The following FUBP1 variants were observed in gnomAD, a reference collection of about 807,000 sequenced individuals.
FUBP1 encodes the protein far upstream element-binding protein 1.
FUBP1 carries 16 observed loss-of-function variants against 94.9 expected under a neutral mutation model. The observed-to-expected ratio is 0.17, with a 90% CI of 0.11 to 0.26. The LOEUF is 0.26. Ranked by LOEUF, FUBP1 falls within the 10% of genes least tolerant of loss-of-function variation. The probability of loss-of-function intolerance (pLI) is 1.00; values close to 1 mark genes in which losing one functional copy is unlikely to be tolerated. For synonymous variants in FUBP1, 279 were observed against 254.9 expected, an observed-to-expected ratio of 1.09 and a Z score of -0.90; for missense variants, 583 against 808.6, an observed-to-expected ratio of 0.72 and a Z score of 3.38.
chr1:77,960,391 T>G lies in FUBP1; in HGVS notation c.1449A>C (p.Pro483=). 1 of 1,597,916 alleles carries G rather than the reference T, an allele frequency of 6.3e-7. No homozygotes were observed. The highest frequency in any genetic ancestry group is 1.4e-5 in the African/African-American group (1 of 73,804). ...CAGGATTATAAGGTGCAGGGTTGTATGGTCCCATTGGAGTTCCAGGCCCTG... is the reference window on the plus strand; with the variant it reads ...CAGGATTATAAGGTGCAGGGTTGTAGGGTCCCATTGGAGTTCCAGGCCCTG... The part of the protein sequence containing the change: ...GPPGPGTPMG[P]YNPAPYNPGP... The change falls in exon 15 of 20, where the codon CCA becomes CCC. Residue 483 remains proline (P), a synonymous_variant. Coordinates refer to ENST00000370768, the MANE Select transcript of FUBP1 (RefSeq NM_003902.5).
In FUBP1 at chr1:77,960,268, A is replaced by G. The variant is rs909655578; in HGVS notation, c.1497-5T>C. 6.2e-6 allele frequency: 10 copies of G among 1,613,078 alleles called. No homozygotes were observed. The highest frequency in any genetic ancestry group is 8.5e-6 in the Non-Finnish European group (10 of 1,179,604). On this transcript the variant is annotated splice_polypyrimidine_tract_variant and splice_region_variant and intron_variant, in intron 15 of 19. Coordinates refer to ENST00000370768, the MANE Select transcript of FUBP1 (RefSeq NM_003902.5). ...GCATATGGGGCTGGAGGACCACTGA[A>G]AAGAAAAATCAGCATAAAAAACAGT...
chr1:77,952,750 G>A (rs1276949274), intron 18 of FUBP1, among the ~76,000 whole-genome samples: 1 of 152,174 alleles, frequency 6.6e-6, no homozygotes, highest in South Asian at 2.1e-4. Flanking sequence ...TTTACAAAAA[G>A]AACTTTTATA....
rs1320541205 is a variant in FUBP1 at position 77,951,944 on chromosome 1, C to T, written c.1781-2644G>A. Among the ~76,000 whole-genome samples the T allele has an allele frequency of 1.3e-5, 2 of 152,110 alleles. 1 individual carries two copies. On this transcript the variant is annotated intron_variant, in intron 18 of 19. Transcript: ENST00000370768. ...CCACATCAGTCCTTATCATAATGGC[C>T]TTCCTCAAGTCAAACTTTTCCCAAA...
rs1365034170 is a variant in FUBP1, at chr1:77,960,428, G to A, written c.1412C>T (p.Pro471Leu). The change falls in exon 15 of 20, where the codon CCT becomes CTT. Residue 471 changes from proline (P) to leucine (L), a missense_variant. Coordinates refer to ENST00000370768, the MANE Select transcript of FUBP1 (RefSeq NM_003902.5). Reference sequence around the variant, plus strand: ...AGTTCCAGGCCCTGGAGGCCCAGGAGGTCCATGGGGGCCTGGGACACCATG... The same window carrying A: ...AGTTCCAGGCCCTGGAGGCCCAGGAAGTCCATGGGGGCCTGGGACACCATG... ...GPHGVPGPHG[P>L]PGPPGPGTPM... The A allele has an allele frequency of 2.5e-6, 4 of 1,592,674 alleles. No individual in the cohort carries two copies. Among genetic ancestry groups the A allele is most frequent in the Non-Finnish European group, 2.6e-6 (3 of 1,174,384 alleles).
intron 18 of FUBP1, among the ~76,000 whole-genome samples, chr1:77,954,905 C>T (rs1654165093): frequency 6.6e-6 from 1 of 152,274 alleles, no homozygotes; most frequent in Non-Finnish European, 1.5e-5. Flanking sequence ...ACCTGCTTAT[C>T]TTGCAGCAAA....
At chr1:77,958,945 T>A (rs1264448050) in intron 16 of FUBP1, among the ~76,000 whole-genome samples, 1 of 152,220 alleles carries the variant, frequency 6.6e-6, no homozygotes, top group Non-Finnish European at 1.5e-5. Flanking sequence ...GCCCCTTCCA[T>A]CAGTGTTGCT....
intron 1 of FUBP1, among the ~76,000 whole-genome samples, chr1:77,977,705 T>C (rs1444756615): frequency 6.6e-6 from 1 of 152,248 alleles, no homozygotes; most frequent in African/African-American, 2.4e-5. Flanking sequence ...TGCTTGTTGC[T>C]AAACATGTTC....
chr1:77,967,840 G>A (rs1228688904), intron 3 of FUBP1, among the ~76,000 whole-genome samples, 174 bp from the exon 4 acceptor site: 2 of 152,076 alleles, frequency 1.3e-5, no homozygotes, highest in Non-Finnish European at 2.9e-5. Flanking sequence ...AGGGGCAAGA[G>A]AGCCAATGAA....
intron 14 of FUBP1, among the ~76,000 whole-genome samples, chr1:77,961,972 G>C (rs1480690544): frequency 6.6e-6 from 1 of 152,126 alleles, no homozygotes; most frequent in African/African-American, 2.4e-5. Context: ...GACAGAAACA[G>C]TGTCAACCTT....
chr1:77,967,142 A>G (rs772032109), intron 4 of FUBP1, 41 bp from the exon 5 acceptor site: 1 of 1,252,732 alleles, frequency 8.0e-7, no homozygotes, highest in South Asian at 1.3e-5. Context: ...TCAATGAAAG[A>G]TACTTTGTTT....
At chr1:77,969,896 C>A in intron 2 of FUBP1, 29 bp downstream of exon 2, 3 of 973,816 alleles carry the variant, frequency 3.1e-6, no homozygotes, top group Admixed American at 2.3e-5. Context: ...CTCTGAAAAA[C>A]AATTTAAAAT....
intron 17 of FUBP1, among the ~76,000 whole-genome samples, chr1:77,956,006 A>C (rs1211795756): frequency 2.6e-5 from 4 of 152,178 alleles, no homozygotes; most frequent in African/African-American, 9.7e-5. Flanking sequence ...TATAGGCACC[A>C]CCCTGAATAT....
At chr1:77,971,054 TAAAAAACAAAA>T (rs1657436048) in intron 1 of FUBP1, among the ~76,000 whole-genome samples, 1 of 147,464 alleles carries the variant, frequency 6.8e-6, no homozygotes, top group Admixed American at 6.7e-5. Flanking sequence ...ACAAAAAAAA[TAAAAAACAAAA>T]AAAAAAACCT....
intron 14 of FUBP1, 76 bp from the exon 15 acceptor site, chr1:77,960,571 T>C (rs1303528769): frequency 4.2e-6 from 5 of 1,197,812 alleles, no homozygotes; most frequent in Non-Finnish European, 5.8e-6. Flanking sequence ...CAAATAATCA[T>C]CCATTTCTAC....
At chr1:77,979,181 G>A (rs770144775), upstream of FUBP1, 20 of 637,166 alleles carry the variant, frequency 3.1e-5, no homozygotes, top group Admixed American at 5.9e-4. Context: ...CAACGCGCTG[G>A]TGTGGGTTAG....
chr1:77,968,304 T>C (rs1195988432), intron 2 of FUBP1, 101 bp from the exon 3 acceptor site: 1 of 707,136 alleles, frequency 1.4e-6, no homozygotes, highest in Non-Finnish European at 2.3e-6. Flanking sequence ...TTGAAATATC[T>C]GAAGGTATGG....
At position 77,956,505 on chromosome 1, in the gene FUBP1, T is replaced by A. The variant is rs534773274; in HGVS notation, c.1705+67A>T. ...GTCAGAAATTTTAGGTATTATACAG[T>A]GATGTACTTCATATATAATTCCAAG... On this transcript the variant is annotated intron_variant, in intron 17 of 19. Transcript: ENST00000370768. The A allele has an allele frequency of 4.2e-5, 43 of 1,035,736 alleles. No homozygotes were observed. In the Middle Eastern group the frequency reaches 8.6e-4, roughly 21 times the overall value. The allele number at this position is 1,035,736 out of a possible 1,614,324, so 64.2% of individuals were successfully genotyped here.
intron 1 of FUBP1, among the ~76,000 whole-genome samples, chr1:77,978,256 T>C (rs1447106126): frequency 1.3e-5 from 2 of 152,232 alleles, no homozygotes; most frequent in Non-Finnish European, 2.9e-5. Context: ...GACTCTGAAC[T>C]GAGAGGCAGA....
rs2102233501 is a variant in FUBP1 at position 77,949,173 on chromosome 1, C to T, written c.1908G>A (p.Gln636=). 1 of 1,613,026 alleles carries T rather than the reference C, an allele frequency of 6.2e-7. No homozygotes were observed. Among genetic ancestry groups the T allele is most frequent in the East Asian group, 2.2e-5 (1 of 44,880 alleles). The change falls in exon 19 of 20, where the codon CAG becomes CAA. Residue 636 remains glutamine (Q), a synonymous_variant. Coordinates refer to ENST00000370768, the MANE Select transcript of FUBP1 (RefSeq NM_003902.5). ...YAQTSPQGMP[Q]HPPAPQGQ Reference sequence around the variant, plus strand: ...ATTATACCTGAGGTGCTGGAGGATGCTGTGGCATTCCCTGGGGACTTGTCT... The same window carrying T: ...ATTATACCTGAGGTGCTGGAGGATGTTGTGGCATTCCCTGGGGACTTGTCT...
Sources: gnomAD v4.1 joint callset for allele counts (sites outside exome capture counted in the v4.1 genomes callset) on GRCh38, gnomAD v4.1.1 for gene constraint, MANE v1.5 for transcripts, NCBI Gene and HGNC (gene_info 2026-07-23, HGNC 2026-07-21) for gene names.